The following ZNF879 variants were observed in gnomAD, a reference collection of about 807,000 sequenced individuals.
ZNF879 encodes zinc finger protein 879.
ZNF879 carries 32 observed loss-of-function variants against 44.3 expected under a neutral mutation model. The observed-to-expected ratio is 0.72, with a 90% CI of 0.54 to 0.97. The LOEUF (loss-of-function observed/expected upper bound fraction) is 0.97, where lower values mean the gene tolerates loss of function less well. ZNF879 is among the 50% of genes least tolerant of loss of function. ZNF879 has a pLI of 0.00. For synonymous variants in ZNF879, 234 were observed against 233.2 expected (o/e 1.00, Z -0.03); for missense variants, 621 against 669.7 (o/e 0.93, Z 0.80).
At chr5:179,029,875 T>G (rs1761375536) in intron 4 of ZNF879, among the ~76,000 whole-genome samples, 1 of 152,210 alleles carries the variant, frequency 6.6e-6, no homozygotes, top group Non-Finnish European at 1.5e-5. Context: ...GAGGCCTACC[T>G]CATTGAGAGG....
chr5:179,024,537 A>C (rs556831196), intron 1 of ZNF879: 1 of 154,452 alleles, frequency 6.5e-6, no homozygotes, highest in African/African-American at 2.4e-5. Flanking sequence ...AAATCTTACA[A>C]GAGGAAGAAA....
Position 179,032,654 on chromosome 5 carries a change from G to A in ZNF879, c.706G>A (p.Glu236Lys). The A allele has an allele frequency of 1.3e-6, 2 of 1,569,238 alleles. No homozygotes were observed. The highest frequency in any genetic ancestry group is 1.7e-6 in the Non-Finnish European group (2 of 1,157,222). ...HTGEKLYKCK[E>K]CRKAFSQSSS... ...TGGAGAGAAGCTCTATAAATGTAAG[G>A]AATGTAGGAAAGCCTTCAGCCAAAG... is the stretch of plus-strand genomic sequence containing the variant. Residue 236 changes from glutamate to lysine, a missense_variant, in exon 5 of 5, where the codon GAA (glutamate) becomes AAA (lysine). Coordinates refer to ENST00000444149, the MANE Select transcript of ZNF879 (RefSeq NM_001136116.3).
intron 2 of ZNF879, among the ~76,000 whole-genome samples, chr5:179,025,832 A>G (rs1383315832): frequency 6.6e-6 from 1 of 151,858 alleles, no homozygotes; most frequent in Non-Finnish European, 1.5e-5. Flanking sequence ...CAGGAGAATC[A>G]CTTGAACCCG....
At position 179,032,202 on chromosome 5, in the gene ZNF879, T is replaced by C. The variant is rs1446007508; in HGVS notation, c.257-3T>C. 2 of 1,500,526 alleles carry C rather than the reference T, an allele frequency of 1.3e-6. No individual in the cohort carries two copies. Among genetic ancestry groups the C allele is most frequent in the African/African-American group, 1.4e-5 (1 of 70,432 alleles). 93.0% of individuals were successfully genotyped at this position (1,500,526 alleles called of 1,614,324 possible). ...AGAGACTTATATGTTTTGTCTACTT[T>C]AGGATGGGAAAGCTTGTTTGGAACC... On this transcript the variant is annotated splice_polypyrimidine_tract_variant and splice_region_variant and intron_variant, in intron 4 of 4. Transcript: ENST00000444149.
At chr5:179,030,793 A>G (rs1367686181) in intron 4 of ZNF879, among the ~76,000 whole-genome samples, 1 of 152,216 alleles carries the variant, frequency 6.6e-6, no homozygotes, top group Admixed American at 6.5e-5. Flanking sequence ...TTTCTTTTGA[A>G]TCAATGATTC....
intron 3 of ZNF879, 29 bp from the exon 4 acceptor site, chr5:179,028,003 G>A (rs528488324): frequency 4.0e-5 from 61 of 1,543,892 alleles, no homozygotes; most frequent in African/African-American, 1.4e-4. Flanking sequence ...TACGATGGCC[G>A]CTCACGTTTC....
chr5:179,028,377 G>T (rs545293200), intron 4 of ZNF879, among the ~76,000 whole-genome samples: 11 of 152,196 alleles, frequency 7.2e-5, no homozygotes, highest in Non-Finnish European at 1.2e-4. Context: ...ATGTGTAAAG[G>T]TTTATAATTC....
chr5:179,030,588 A>T (rs1414501982), intron 4 of ZNF879, among the ~76,000 whole-genome samples: 1 of 152,142 alleles, frequency 6.6e-6, no homozygotes, highest in Non-Finnish European at 1.5e-5. Flanking sequence ...TTAATTTTTT[A>T]ATTAAGTGAT....
chr5:179,031,643 A>G (rs937537145), intron 4 of ZNF879, among the ~76,000 whole-genome samples: 3 of 152,254 alleles, frequency 2.0e-5, no homozygotes, highest in South Asian at 2.1e-4. Flanking sequence ...CACTGCTGGA[A>G]TGAAAACCTT....
At position 179,024,132 on chromosome 5, in the gene ZNF879, G is replaced by C. The variant is rs1022781382; in HGVS notation, c.-36+228G>C. ...GGACTCCTGGGCCGCAGCCTGGGCC[G>C]GACTCCGGGGGAAACGGCTCCAGAA... is the stretch of plus-strand genomic sequence containing the variant. On this transcript the variant is annotated intron_variant, in intron 1 of 4. Transcript: ENST00000444149. Among the ~76,000 whole-genome samples the C allele has an allele frequency of 9.2e-5, 14 of 152,330 alleles. No individual in the cohort carries two copies. The South Asian group carries it at 2.9e-3, about 32-fold the overall frequency.
Position 179,024,251 on chromosome 5 carries a change from C to G in ZNF879, c.-36+347C>G, listed in dbSNP as rs528129852. Among the ~76,000 whole-genome samples, 13 of 152,370 alleles carry G rather than the reference C, an allele frequency of 8.5e-5. No individual in the cohort carries two copies. The South Asian group carries it at 1.4e-3, about 17-fold the overall frequency. ...TTGTGGGTTTAAGCCTCCCCCTACT[C>G]CGTTTCCCGGAGTTTAAACTTTAGA... On this transcript the variant is annotated intron_variant, in intron 1 of 4. Transcript: ENST00000444149.
At position 179,024,896 on chromosome 5, in the gene ZNF879, A is replaced by C. The variant is rs1235165446; in HGVS notation, c.-35-74A>C. The C allele has an allele frequency of 2.5e-6, 3 of 1,217,212 alleles. No homozygotes were observed. The East Asian group carries it at 7.6e-5, about 31-fold the overall frequency. The allele number at this position is 1,217,212 out of a possible 1,614,324, so 75.4% of individuals were successfully genotyped here. A position where few individuals can be genotyped will look rare whatever the true frequency, so the allele number is the denominator to read the frequency against. ...TGCAGGTGCTCAGCTTATGGCTTCTAACCTGGTCTGGCCTAATGAGGGTGG... is the reference window on the plus strand; with the variant it reads ...TGCAGGTGCTCAGCTTATGGCTTCTCACCTGGTCTGGCCTAATGAGGGTGG... On this transcript the variant is annotated intron_variant, in intron 1 of 4. Transcript: ENST00000444149.
chr5:179,033,459 G>T lies in ZNF879; in HGVS notation c.1511G>T (p.Arg504Ile), dbSNP rs1761495304. The change falls in exon 5 of 5, where the codon AGA (arginine) becomes ATA (isoleucine). Residue 504 changes from arginine (R) to isoleucine (I), a missense_variant. Physicochemically the swap from Arg to Ile is moderately conservative, Grantham distance 97 (BLOSUM62 -3). Coordinates refer to ENST00000444149, the MANE Select transcript of ZNF879 (RefSeq NM_001136116.3). ...NQSSALIQHQ[R>I]IHTGEKPYNC... Reference sequence around the variant, plus strand: ...AGCTCAGCTCTAATTCAGCACCAGAGAATTCATACTGGAGAGAAACCATAT... The same window carrying T: ...AGCTCAGCTCTAATTCAGCACCAGATAATTCATACTGGAGAGAAACCATAT... 3 of 1,565,752 alleles carry T rather than the reference G, an allele frequency of 1.9e-6. No individual in the cohort carries two copies. The highest frequency in any genetic ancestry group is 1.7e-6 in the Non-Finnish European group (2 of 1,155,228).
At chr5:179,029,440 G>A (rs971087826) in intron 4 of ZNF879, among the ~76,000 whole-genome samples, 1 of 152,042 alleles carries the variant, frequency 6.6e-6, no homozygotes, top group Admixed American at 6.6e-5. Context: ...TGCAAGAGTA[G>A]TGATACAATA....
chr5:179,029,192 A>C (rs1328023759), intron 4 of ZNF879, among the ~76,000 whole-genome samples: 1 of 150,400 alleles, frequency 6.6e-6, no homozygotes, highest in Non-Finnish European at 1.5e-5. Context: ...CATTAGTCAG[A>C]TTCTATTTCC....
chr5:179,032,076 C>G, intron 4 of ZNF879, 129 bp from the exon 5 acceptor site: 2 of 752,838 alleles, frequency 2.7e-6, no homozygotes, highest in Non-Finnish European at 4.1e-6. Context: ...TGCTTCCTTC[C>G]TCCTCTTCTT....
intron 2 of ZNF879, among the ~76,000 whole-genome samples, chr5:179,025,701 G>T (rs2113045280): frequency 6.6e-6 from 1 of 152,188 alleles, no homozygotes; most frequent in Admixed American, 6.5e-5. Context: ...CAGATCACTT[G>T]AGGTCAGAAG....
Position 179,025,583 on chromosome 5 carries a change from G to T in ZNF879, c.33+546G>T, listed in dbSNP as rs376961153. On this transcript the variant is annotated intron_variant, in intron 2 of 4. Transcript: ENST00000444149. Reference sequence around the variant, plus strand: ...CTTTGTGAAAGATCCAGGTGTTTTTGCCCTGTGGAGGACAAAGACACGGAG... The same window carrying T: ...CTTTGTGAAAGATCCAGGTGTTTTTTCCCTGTGGAGGACAAAGACACGGAG... Among the ~76,000 whole-genome samples the T allele has an allele frequency of 1.0e-3, 157 of 152,352 alleles. 1 individual carries two copies. Among genetic ancestry groups the T allele is most frequent in the African/African-American group, 3.5e-3 (147 of 41,580 alleles).
intron 4 of ZNF879, among the ~76,000 whole-genome samples, chr5:179,030,964 C>T (rs1178411832): frequency 6.6e-6 from 1 of 152,180 alleles, no homozygotes; most frequent in Non-Finnish European, 1.5e-5. Flanking sequence ...TCCCCTCTTT[C>T]ATTGCCTCTG....
Sources: gnomAD v4.1 joint callset for allele counts (sites outside exome capture counted in the v4.1 genomes callset) on GRCh38, gnomAD v4.1.1 for gene constraint, MANE v1.5 for transcripts, NCBI Gene and HGNC (gene_info 2026-07-23, HGNC 2026-07-21) for gene names.